Variants in PRKAG2 observed in about 807,000 individuals in gnomAD.
PRKAG2 encodes 5'-AMP-activated protein kinase subunit gamma-2.
Under a neutral mutation model 69.6 loss-of-function variants are expected in PRKAG2, and 26 were observed. The observed-to-expected ratio is 0.37, with a 90% CI of 0.27 to 0.52. The LOEUF (loss-of-function observed/expected upper bound fraction) is 0.52, where lower values mean the gene tolerates loss of function less well. Ranked by LOEUF, PRKAG2 falls within the 20% of genes least tolerant of loss-of-function variation. The pLI, the probability that PRKAG2 is intolerant of heterozygous loss-of-function variation, is 0.90. For missense variants in PRKAG2, 557 were observed against 740.0 expected (o/e 0.75, Z 2.87); for synonymous variants, 293 against 285.0 (o/e 1.03, Z -0.28).
intron 11 of PRKAG2, chr7:151,566,459 T>C: frequency 3.2e-6 from 1 of 316,360 alleles, no homozygotes; most frequent in South Asian, 2.8e-5. Context: ...AAAAGAATCT[T>C]TAAAAATTAA....
intron 8 of PRKAG2, among the ~76,000 whole-genome samples, chr7:151,573,460 G>C (rs997181290): frequency 1.3e-5 from 2 of 150,094 alleles, no homozygotes; most frequent in Non-Finnish European, 3.0e-5. Context: ...GACTACAGGC[G>C]TGAGCCACTG....
At position 151,581,865 on chromosome 7, in the gene PRKAG2, C is replaced by T. The variant is rs574499966; in HGVS notation, c.865-5413G>A. ...CATAATAAATTCTCAGACTAATCTGCTACAAAAGCGTTCAGCCCCCAAAAT... is the reference window on the plus strand; with the variant it reads ...CATAATAAATTCTCAGACTAATCTGTTACAAAAGCGTTCAGCCCCCAAAAT... On this transcript the variant is annotated intron_variant, in intron 6 of 15. Transcript: ENST00000287878. Among the ~76,000 whole-genome samples, 100 of 152,292 alleles carry T rather than the reference C, an allele frequency of 6.6e-4. 1 individual carries two copies. The Middle Eastern group carries it at 0.02, about 31-fold the overall frequency.
At chr7:151,843,893 A>G (rs1336642512) in intron 1 of PRKAG2, among the ~76,000 whole-genome samples, 2 of 152,248 alleles carry the variant, frequency 1.3e-5, no homozygotes, top group African/African-American at 4.8e-5. Context: ...TCGTCCTCAG[A>G]GCCCAGCCAG....
At chr7:151,765,864 G>T (rs576135370) in intron 3 of PRKAG2, among the ~76,000 whole-genome samples, 3 of 152,076 alleles carry the variant, frequency 2.0e-5, no homozygotes, top group Non-Finnish European at 4.4e-5. Context: ...ATTAGCCCTG[G>T]CCTGATAACT....
At chr7:151,736,050 G>A (rs1367993610) in intron 3 of PRKAG2, 2 of 1,534,388 alleles carry the variant, frequency 1.3e-6, no homozygotes, top group East Asian at 2.4e-5. Context: ...CCACAGAACC[G>A]GTGTCAGCCC....
intron 3 of PRKAG2, among the ~76,000 whole-genome samples, chr7:151,742,986 G>C: frequency 6.6e-6 from 1 of 152,286 alleles, no homozygotes; most frequent in Middle Eastern, 3.4e-3. Flanking sequence ...TTCAGCATAC[G>C]TGGGCGGGGG....
rs529100201 is a variant in PRKAG2, at chr7:151,727,780, G to A, written c.467-52143C>T. ...TGTATCCCCTGGGAGGCGCAGGGCAGCCGGGTCAGCGTTCAGGTGCTGTTC... is the reference window on the plus strand; with the variant it reads ...TGTATCCCCTGGGAGGCGCAGGGCAACCGGGTCAGCGTTCAGGTGCTGTTC... On this transcript the variant is annotated intron_variant, in intron 3 of 15. Transcript: ENST00000287878. Among the ~76,000 whole-genome samples, 12 of 152,324 alleles carry A rather than the reference G, an allele frequency of 7.9e-5. No homozygotes were observed. The South Asian group carries it at 2.5e-3, about 32-fold the overall frequency.
Position 151,807,288 on chromosome 7 carries a change from G to A in PRKAG2, c.115-20747C>T. 2.5e-6 allele frequency: 1 copy of A among 403,026 alleles called. No homozygotes were observed. Among genetic ancestry groups the A allele is most frequent in the Non-Finnish European group, 5.1e-6 (1 of 197,226 alleles). The allele number at this position is 403,026 out of a possible 1,614,324, so 25.0% of individuals were successfully genotyped here. ...AGCCACCAGCAGACCCATGGGATAG[G>A]GGAAGAAAAACAAGCAATCTACAGA... On this transcript the variant is annotated intron_variant, in intron 1 of 15. Transcript: ENST00000287878. This position sits in a 1 kb window ranked among gnomAD's most constrained non-coding sequence, Gnocchi z 4.4.
At chr7:151,784,386 G>T (rs1257257243) in intron 2 of PRKAG2, among the ~76,000 whole-genome samples, 1 of 152,186 alleles carries the variant, frequency 6.6e-6, no homozygotes, top group African/African-American at 2.4e-5. Context: ...GGGGAGCGGG[G>T]CCCCAGGAGA....
rs144222432 is a variant in PRKAG2, at chr7:151,578,904, T to G, written c.865-2452A>C. 3.7e-3 allele frequency among the ~76,000 whole-genome samples: 563 copies of G among 152,304 alleles called. 6 individuals are homozygous for G. Among genetic ancestry groups the G allele is most frequent in the African/African-American group, 0.012 (516 of 41,558 alleles). On this transcript the variant is annotated intron_variant, in intron 6 of 15. Coordinates refer to ENST00000287878, the MANE Select transcript of PRKAG2 (RefSeq NM_016203.4). ...ATTATAGAAGAATATAGTGGAAAAG[T>G]CGCATGTAAATAGATTTTAAAACAC...
chr7:151,680,456 G>A (rs1438962451), intron 3 of PRKAG2, among the ~76,000 whole-genome samples: 1 of 152,118 alleles, frequency 6.6e-6, no homozygotes, highest in African/African-American at 2.4e-5. Flanking sequence ...CATCTGTATC[G>A]AATGATACCA....
chr7:151,852,025 C>A lies in PRKAG2; in HGVS notation c.114+24482G>T, dbSNP rs79761463. 7.0e-3 allele frequency among the ~76,000 whole-genome samples: 1,063 copies of A among 152,280 alleles called. 5 individuals carry two copies. Among genetic ancestry groups the A allele is most frequent in the Middle Eastern group, 0.031 (9 of 294 alleles). On this transcript the variant is annotated intron_variant, in intron 1 of 15. Transcript: ENST00000287878. ...GCTCTCGCCTGTCCCGTGCCTGCTCCGTCCCATGTCTGGAAGAATGCCAGC... is the reference window on the plus strand; with the variant it reads ...GCTCTCGCCTGTCCCGTGCCTGCTCAGTCCCATGTCTGGAAGAATGCCAGC...
chr7:151,564,154 T>C lies in PRKAG2; in HGVS notation c.1508A>G (p.Gln503Arg), dbSNP rs727504337. ...GCACTTCACAACACCTTCAAAATACTGTGAACGGTGCTGAAGGGCCTGGGT... is the reference window on the plus strand; with the variant it reads ...GCACTTCACAACACCTTCAAAATACCGTGAACGGTGCTGAAGGGCCTGGGT... Reference protein sequence around the residue: ...TVTQALQHRSQYFEGVVKCNK... With the variant: ...TVTQALQHRSRYFEGVVKCNK... Residue 503 changes from glutamine to arginine, a missense_variant, in exon 14 of 16, where the codon CAG becomes CGG. Coordinates refer to ENST00000287878, the MANE Select transcript of PRKAG2 (RefSeq NM_016203.4). The C allele has an allele frequency of 3.7e-6, 6 of 1,614,206 alleles. No homozygotes were observed. Among genetic ancestry groups the C allele is most frequent in the Non-Finnish European group, 5.1e-6 (6 of 1,180,016 alleles).
chr7:151,713,681 G>A (rs1795678299), intron 3 of PRKAG2, among the ~76,000 whole-genome samples: 1 of 151,242 alleles, frequency 6.6e-6, no homozygotes, highest in African/African-American at 2.4e-5. Flanking sequence ...GGAGGCTCAA[G>A]TGACCCTCCT....
chr7:151,598,179 A>G (rs139476661), intron 5 of PRKAG2, among the ~76,000 whole-genome samples: 23 of 152,306 alleles, frequency 1.5e-4, no homozygotes, highest in African/African-American at 5.3e-4. Flanking sequence ...CCTAGAGGAC[A>G]CTGTGTTACA....
chr7:151,597,982 C>CA (rs1815050019), intron 5 of PRKAG2, among the ~76,000 whole-genome samples: 1 of 152,312 alleles, frequency 6.6e-6, no homozygotes, highest in African/African-American at 2.4e-5. Flanking sequence ...GAAATGAAAT[C>CA]AGAGTGTTCA....
chr7:151,621,855 G>A (rs887242847), intron 5 of PRKAG2, among the ~76,000 whole-genome samples: 4 of 152,172 alleles, frequency 2.6e-5, no homozygotes, highest in African/African-American at 4.8e-5. Context: ...GATTACAGGC[G>A]TGAACCACCA....
chr7:151,699,371 TC>T lies in PRKAG2; in HGVS notation c.467-23735del, dbSNP rs1837279954. On this transcript the variant is annotated intron_variant, in intron 3 of 15. Transcript: ENST00000287878. This position sits in a 1 kb window ranked among gnomAD's most constrained non-coding sequence, Gnocchi z 4.5. Reference sequence around the variant, plus strand: ...TGGCCGGATGCCTGTGTGGTTACGATCCGGTTACATCTCAGCCCCCTGCTGA... The same window carrying T: ...TGGCCGGATGCCTGTGTGGTTACGATCGGTTACATCTCAGCCCCCTGCTGA... Among the ~76,000 whole-genome samples, 1 of 152,174 alleles carries T rather than the reference TC, an allele frequency of 6.6e-6. No homozygotes were observed. The highest frequency in any genetic ancestry group is 2.4e-5 in the African/African-American group (1 of 41,436).
At chr7:151,563,252 T>C (rs1045994495) in intron 14 of PRKAG2, among the ~76,000 whole-genome samples, 15 of 152,114 alleles carry the variant, frequency 9.9e-5, no homozygotes, top group African/African-American at 3.6e-4. Context: ...CTGTGAGGAG[T>C]CATCTTGTGA....
Sources: allele counts gnomAD v4.1 joint callset (sites outside exome capture counted in the v4.1 genomes callset), GRCh38; gene constraint gnomAD v4.1.1; non-coding constraint Gnocchi (gnomAD v3.1); transcripts MANE v1.5; gene names NCBI Gene and HGNC (gene_info 2026-07-23, HGNC 2026-07-21).